The following STRN4 variants were observed in gnomAD, a reference collection of about 807,000 sequenced individuals.
STRN4 encodes striatin 4.
Under a neutral mutation model 77.9 loss-of-function variants are expected in STRN4, and 27 were observed. The ratio of observed to expected loss-of-function variants is 0.35; its 90% CI spans 0.26 to 0.48. The LOEUF is 0.48. Among genes scored for constraint, STRN4 ranks in the 20% least tolerant of loss-of-function variants. The pLI, the probability that STRN4 is intolerant of heterozygous loss-of-function variation, is 0.99. For missense variants in STRN4, 798 were observed against 1,049.7 expected, an observed-to-expected ratio of 0.76 and a Z score of 3.31; for synonymous variants, 466 against 443.1, an observed-to-expected ratio of 1.05 and a Z score of -0.65.
At chr19:46,734,971 G>A (rs534507458) in intron 4 of STRN4, among the ~76,000 whole-genome samples, 6 of 152,098 alleles carry the variant, frequency 3.9e-5, no homozygotes, top group African/African-American at 1.4e-4. Flanking sequence ...GCCGATGTTT[G>A]CAACTCTTTA....
intron 5 of STRN4, 122 bp downstream of exon 5, chr19:46,732,917 C>A: frequency 8.4e-7 from 1 of 1,186,092 alleles, no homozygotes; most frequent in Non-Finnish European, 1.2e-6. Flanking sequence ...AGGGAGCCCA[C>A]GGCATACTCC....
At position 46,746,359 on chromosome 19, in the gene STRN4, C is replaced by G. The variant is rs2122478614; in HGVS notation, c.72G>C (p.Ala24=). ...GGGCCGCCCCAGTGGGGCCAGGGCC[C>G]GCGCCTGAGCCGAGCGGACGGCAGG... is the stretch of plus-strand genomic sequence containing the variant. ...ASSCRPLGSG[A]GPGPTGAAPV... Residue 24 remains alanine, a synonymous_variant, in exon 1 of 18, where the codon GCG becomes GCC. Transcript: ENST00000263280. The G allele has an allele frequency of 9.4e-6, 11 of 1,173,440 alleles. No individual in the cohort carries two copies. Among genetic ancestry groups the G allele is most frequent in the Non-Finnish European group, 1.2e-5 (11 of 951,858 alleles). 72.7% of individuals were successfully genotyped at this position (1,173,440 alleles called of 1,614,324 possible). A position where few individuals can be genotyped will look rare whatever the true frequency, so the allele number is the denominator to read the frequency against.
Position 46,723,356 on chromosome 19 carries a change from A to AC in STRN4, c.1595-73_1595-72insG. The AC allele has an allele frequency of 6.8e-7, 1 of 1,463,166 alleles. No individual in the cohort carries two copies. Among genetic ancestry groups the AC allele is most frequent in the Non-Finnish European group, 9.0e-7 (1 of 1,105,016 alleles). The allele number at this position is 1,463,166 out of a possible 1,614,324, so 90.6% of individuals were successfully genotyped here. A position where few individuals can be genotyped will look rare whatever the true frequency, so the allele number is the denominator to read the frequency against. On this transcript the variant is annotated intron_variant, in intron 12 of 17. Transcript: ENST00000263280. The surrounding 1 kb of genome is among the most constrained non-coding windows in gnomAD (Gnocchi z 5.5). ...TCCTCCCTGGACAGCCCAGAGCCCC[A>AC]GCTCTGCCAAGCCCCAGGCAGCTGG...
chr19:46,723,270 T>G lies in STRN4; in HGVS notation c.1609A>C (p.Ser537Arg). ...PYDGYDPSVL[S>R]HVLEGHGDAV... ...TCCCCGTGGCCCTCCAGGACGTGGC[T>G]CAGCACGCTTGGGTCTGCACCCACC... Residue 537 changes from serine to arginine, a missense_variant, in exon 13 of 18, where the codon AGC becomes CGC. By Grantham distance (110) the Ser-to-Arg change is moderately radical. Around this residue, in one of 2 missense-constraint regions of STRN4, gnomAD observed 287 missense variants for 473.8 expected, o/e 0.61. Transcript: ENST00000263280. The surrounding 1 kb of genome is among the most constrained non-coding windows in gnomAD (Gnocchi z 5.5). The G allele has an allele frequency of 6.5e-7, 1 of 1,546,890 alleles. No homozygotes were observed. Among genetic ancestry groups the G allele is most frequent in the Non-Finnish European group, 8.7e-7 (1 of 1,147,546 alleles).
intron 9 of STRN4, 119 bp from the exon 10 acceptor site, chr19:46,725,767 C>T: frequency 7.6e-7 from 1 of 1,324,114 alleles, no homozygotes; most frequent in Non-Finnish European, 1.0e-6. Context: ...CAGGAATGCC[C>T]TCAGAGCCTG....
Position 46,733,218 on chromosome 19 carries a change from G to A in STRN4, c.558C>T (p.Gly186=). The part of the protein sequence containing the change: ...QLLRQYLEEV[G]YTDTILDMRS... ...GCATGTCGAGGATGGTGTCTGTGTAGCCCACCTCTTCCAGGTACCTGCAGG... is the reference window on the plus strand; with the variant it reads ...GCATGTCGAGGATGGTGTCTGTGTAACCCACCTCTTCCAGGTACCTGCAGG... The change falls in exon 5 of 18, where the codon GGC becomes GGT. Residue 186 remains glycine (G), a synonymous_variant. Coordinates refer to ENST00000263280, the MANE Select transcript of STRN4 (RefSeq NM_013403.3). This position sits in a 1 kb window ranked among gnomAD's most constrained non-coding sequence, Gnocchi z 4.3. 6.2e-7 allele frequency: 1 copy of A among 1,610,556 alleles called. No individual in the cohort carries two copies. Among genetic ancestry groups the A allele is most frequent in the Non-Finnish European group, 8.5e-7 (1 of 1,179,970 alleles).
intron 5 of STRN4, chr19:46,732,756 C>T (rs973762431): frequency 7.5e-5 from 31 of 414,040 alleles, no homozygotes; most frequent in Admixed American, 1.2e-4. Context: ...GGTGTGCCTT[C>T]GGTAAGCACC....
chr19:46,730,993 G>A lies in STRN4; in HGVS notation c.738-120C>T, dbSNP rs146969165. 1.5e-4 allele frequency: 209 copies of A among 1,400,958 alleles called. 1 individual carries two copies. In the African/African-American group the frequency reaches 2.5e-3, roughly 17 times the overall value. The allele number at this position is 1,400,958 out of a possible 1,614,324, so 86.8% of individuals were successfully genotyped here. A position where few individuals can be genotyped will look rare whatever the true frequency, so the allele number is the denominator to read the frequency against. On this transcript the variant is annotated intron_variant, in intron 5 of 17. Transcript: ENST00000263280. ...AGACCCAGCTAACCCCCTAACCCCTGAGCAGCCTTGACTCTGGTCACACAC... is the reference window on the plus strand; with the variant it reads ...AGACCCAGCTAACCCCCTAACCCCTAAGCAGCCTTGACTCTGGTCACACAC...
chr19:46,746,078 G>A, intron 1 of STRN4, 71 bp downstream of exon 1: 11 of 1,325,508 alleles, frequency 8.3e-6, no homozygotes, highest in Non-Finnish European at 1.1e-5. Context: ...GATGGCGGCG[G>A]CGGCGGCAGC....
rs1189366422 is a variant in STRN4, at chr19:46,746,202, C to A, written c.229G>T (p.Ala77Ser). ...GILHFIQHEW[A>S]RFEAEKARWE... ...CGGGCTTTCTCGGCTTCGAAGCGCG[C>A]CCACTCGTGCTGGATAAAGTGCAGG... is the stretch of plus-strand genomic sequence containing the variant. The change falls in exon 1 of 18, where the codon GCG becomes TCG. Residue 77 changes from alanine (A) to serine (S), a missense_variant. Coordinates refer to ENST00000263280, the MANE Select transcript of STRN4 (RefSeq NM_013403.3). 1.9e-6 allele frequency: 3 copies of A among 1,539,390 alleles called. No individual in the cohort carries two copies. Among genetic ancestry groups the A allele is most frequent in the Middle Eastern group, 1.7e-4 (1 of 5,844 alleles).
rs373181310 is a variant in STRN4 at position 46,730,797 on chromosome 19, C to T, written c.814G>A (p.Glu272Lys). Residue 272 changes from glutamate (E) to lysine (K), a missense_variant, in exon 6 of 18, where the codon GAG (glutamate) becomes AAG (lysine). Physicochemically the swap from Glu to Lys is moderately conservative, Grantham distance 56. Coordinates refer to ENST00000263280, the MANE Select transcript of STRN4 (RefSeq NM_013403.3). ...TCGTCCTCGTCGCTGTCTTCGTCCTCGCAGTTCTGCAGGAAGGGGATCTGC... is the reference window on the plus strand; with the variant it reads ...TCGTCCTCGTCGCTGTCTTCGTCCTTGCAGTTCTGCAGGAAGGGGATCTGC... ...LGQIPFLQNC[E>K]DEDSDEDDEL... 7.4e-6 allele frequency: 12 copies of T among 1,612,898 alleles called. No individual in the cohort carries two copies. In the African/African-American group the frequency reaches 8.0e-5, roughly 11 times the overall value.
At chr19:46,721,072 C>A in intron 16 of STRN4, 1 of 290,668 alleles carries the variant, frequency 3.4e-6, no homozygotes, top group Non-Finnish European at 6.4e-6. Context: ...GACGCTGCAG[C>A]TGGGCAACAG....
chr19:46,728,987 C>A, intron 6 of STRN4: 1 of 572,820 alleles, frequency 1.7e-6, no homozygotes, highest in Non-Finnish European at 3.0e-6. Flanking sequence ...CACCCTCACG[C>A]AGTCCTTCCC....
intron 1 of STRN4, among the ~76,000 whole-genome samples, chr19:46,742,998 C>T (rs1344127305): frequency 6.6e-6 from 1 of 152,228 alleles, no homozygotes; most frequent in East Asian, 1.9e-4. Flanking sequence ...AGTCCACCAA[C>T]CAGGGTCAAA....
rs1268191670 is a variant in STRN4, at chr19:46,720,207, C to G, written c.*198G>C. On this transcript the variant is annotated 3_prime_UTR_variant, in exon 18 of 18. Transcript: ENST00000263280. ...GGGGTGATTCCTGAAAGGGGCCCAT[C>G]CCCAGGCTGGATGCTTGGGGAAGGC... 3.0e-5 allele frequency: 5 copies of G among 168,720 alleles called. No homozygotes were observed. The highest frequency in any genetic ancestry group is 6.3e-5 in the Non-Finnish European group (5 of 79,098). 10.5% of individuals were successfully genotyped at this position (168,720 alleles called of 1,614,324 possible). A position where few individuals can be genotyped will look rare whatever the true frequency, so the allele number is the denominator to read the frequency against.
chr19:46,744,021 T>C (rs1160573613), intron 1 of STRN4, among the ~76,000 whole-genome samples: 2 of 152,066 alleles, frequency 1.3e-5, no homozygotes, highest in African/African-American at 2.4e-5. Context: ...AAAACCTCCA[T>C]TTCCTCTCCT....
chr19:46,745,156 G>A (rs1445654590), intron 1 of STRN4, among the ~76,000 whole-genome samples: 1 of 151,574 alleles, frequency 6.6e-6, no homozygotes, highest in African/African-American at 2.4e-5. Context: ...ACCATCCCAG[G>A]ACCCTCACCT....
chr19:46,734,607 A>T (rs1440892756), intron 4 of STRN4, among the ~76,000 whole-genome samples: 1 of 152,212 alleles, frequency 6.6e-6, no homozygotes, highest in African/African-American at 2.4e-5. Context: ...AAGGAAGGAA[A>T]TTATGAGGTC....
At chr19:46,725,768 T>A in intron 9 of STRN4, 120 bp from the exon 10 acceptor site, 1 of 1,309,980 alleles carries the variant, frequency 7.6e-7, no homozygotes. Context: ...AGGAATGCCC[T>A]CAGAGCCTGG....
Sources: gnomAD v4.1 joint callset for allele counts (sites outside exome capture counted in the v4.1 genomes callset) on GRCh38, gnomAD v4.1.1 for gene constraint, gnomAD v4.1.1 regional missense constraint, Gnocchi (gnomAD v3.1) non-coding constraint, MANE v1.5 for transcripts, NCBI Gene and HGNC (gene_info 2026-07-23, HGNC 2026-07-21) for gene names.